PCDHA11: variants seen among roughly 807,000 people sequenced by gnomAD.
The protein encoded by PCDHA11 is protocadherin alpha 11, also known as protocadherin alpha-11.
A neutral mutation model predicts 70.3 loss-of-function variants in PCDHA11; 61 were observed. The ratio of observed to expected loss-of-function variants is 0.87; its 90% CI spans 0.71 to 1.07. The LOEUF is 1.07. Ranked by LOEUF, PCDHA11 falls within the 50% of genes least tolerant of loss-of-function variation. The pLI, the probability that PCDHA11 is intolerant of heterozygous loss-of-function variation, is 0.00. For synonymous variants in PCDHA11, 633 were observed against 555.1 expected (o/e 1.14, Z -1.97); for missense variants, 1,324 against 1,237.5 (o/e 1.07, Z -1.05).
intron 1 of PCDHA11, chr5:140,875,596 G>C (rs1554167787): frequency 1.9e-6 from 3 of 1,613,938 alleles, no homozygotes; most frequent in African/African-American, 2.7e-5. Flanking sequence ...GGCCAAACAC[G>C]GCACCTTCGT....
At chr5:140,951,343 G>C (rs2094573680) in intron 1 of PCDHA11, among the ~76,000 whole-genome samples, 1 of 151,988 alleles carries the variant, frequency 6.6e-6, no homozygotes, top group South Asian at 2.1e-4. Flanking sequence ...GTTTGTGTTA[G>C]TCCATTATTG....
At chr5:140,876,165 C>G in intron 1 of PCDHA11, 17 of 1,613,944 alleles carry the variant, frequency 1.1e-5, no homozygotes, top group Non-Finnish European at 1.4e-5. Flanking sequence ...TTCAAATAAC[C>G]GTCCTGGATG....
chr5:140,973,815 A>C (rs2096603789), intron 1 of PCDHA11, among the ~76,000 whole-genome samples: 1 of 152,224 alleles, frequency 6.6e-6, no homozygotes, highest in African/African-American at 2.4e-5. Flanking sequence ...CAGAATAGCA[A>C]AGTCAGTTCT....
chr5:140,975,953 T>C (rs1554237158), intron 1 of PCDHA11, among the ~76,000 whole-genome samples: 1 of 152,084 alleles, frequency 6.6e-6, no homozygotes, highest in East Asian at 1.9e-4. Flanking sequence ...CATATTAGAG[T>C]TCTTCACCAA....
chr5:140,884,554 G>A (rs1554181727), intron 1 of PCDHA11: 10 of 1,614,160 alleles, frequency 6.2e-6, no homozygotes, highest in Non-Finnish European at 6.8e-6. Context: ...GCTCTGGGGA[G>A]GGCCCGCATA....
At chr5:141,003,982 G>A (rs914206731) in intron 3 of PCDHA11, among the ~76,000 whole-genome samples, 25 of 152,152 alleles carry the variant, frequency 1.6e-4, no homozygotes, top group African/African-American at 5.6e-4. Flanking sequence ...GGGACTTGCC[G>A]GAGATCCTAG....
chr5:140,871,254 T>A lies in PCDHA11; in HGVS notation c.2151T>A (p.Tyr717Ter). The A allele has an allele frequency of 6.2e-7, 1 of 1,613,952 alleles. No individual in the cohort carries two copies. The highest frequency in any genetic ancestry group is 8.5e-7 in the Non-Finnish European group (1 of 1,179,930). ...TCCTGGTACTCACGCTGCTGCTGTA[T>A]ACGGCGCTGTGGTGGTCGGCAACGC... ...SSLLVLTLLL[Y>*]TALWWSATPT... The change falls in exon 1 of 4, where the codon TAT becomes TAA. Residue 717 changes from tyrosine to a stop codon, truncating the protein, a stop_gained. Coordinates refer to ENST00000398640, the MANE Select transcript of PCDHA11 (RefSeq NM_018902.5). LOFTEE classifies it high-confidence loss of function.
chr5:140,901,286 C>T (rs1681382612), intron 1 of PCDHA11, among the ~76,000 whole-genome samples: 1 of 151,988 alleles, frequency 6.6e-6, no homozygotes. Flanking sequence ...AAATTTTTGC[C>T]CAGACTGATG....
At chr5:140,951,395 G>A (rs1036290024) in intron 1 of PCDHA11, among the ~76,000 whole-genome samples, 1 of 152,030 alleles carries the variant, frequency 6.6e-6, no homozygotes, top group African/African-American at 2.4e-5. Flanking sequence ...AATTTATAAA[G>A]AAAAGAGGTT....
Position 140,927,631 on chromosome 5 carries a change from C to T in PCDHA11, c.2392-51318C>T, listed in dbSNP as rs760961070. 1.7e-5 allele frequency: 28 copies of T among 1,614,068 alleles called. No homozygotes were observed. In the Admixed American group the frequency reaches 2.5e-4, roughly 14 times the overall value. On this transcript the variant is annotated intron_variant, in intron 1 of 3. Coordinates refer to ENST00000398640, the MANE Select transcript of PCDHA11 (RefSeq NM_018902.5). ...CCGCACCAAGGTTCCAGAGACTGCA[C>T]CCAATGGGACTGTGTTATTCCGAGT...
intron 1 of PCDHA11, among the ~76,000 whole-genome samples, chr5:140,898,433 T>G (rs1253149141): frequency 6.6e-5 from 10 of 152,184 alleles, no homozygotes; most frequent in Non-Finnish European, 7.4e-5. Flanking sequence ...CCAGCACCAT[T>G]TATTAAATAG....
At chr5:140,917,657 G>A (rs1382905790) in intron 1 of PCDHA11, among the ~76,000 whole-genome samples, 2 of 152,156 alleles carry the variant, frequency 1.3e-5, no homozygotes, top group Admixed American at 1.3e-4. Context: ...TATTGAGTAG[G>A]AAGTCCTTTC....
At position 140,879,431 on chromosome 5, in the gene PCDHA11, T is replaced by G. The variant is rs78313657; in HGVS notation, c.2391+7937T>G. 2.0e-5 allele frequency among the ~76,000 whole-genome samples: 3 copies of G among 152,202 alleles called. No homozygotes were observed. In the East Asian group the frequency reaches 5.8e-4, roughly 29 times the overall value. The stretch of plus-strand genomic sequence containing the variant: ...AGCAGGTAGGGAATGGAGATGAACA[T>G]TTAAGAAAATGTTACTTTGAAGTCC... On this transcript the variant is annotated intron_variant, in intron 1 of 3. Transcript: ENST00000398640.
intron 1 of PCDHA11, among the ~76,000 whole-genome samples, chr5:140,974,423 C>T (rs2096627451): frequency 6.6e-6 from 1 of 152,166 alleles, no homozygotes; most frequent in Non-Finnish European, 1.5e-5. Flanking sequence ...ATTTTACTTT[C>T]CTGGTTTGTA....
intron 1 of PCDHA11, among the ~76,000 whole-genome samples, chr5:140,891,347 A>G (rs1554184792): frequency 6.6e-6 from 1 of 151,926 alleles, no homozygotes; most frequent in African/African-American, 2.4e-5. Context: ...ATTTTGGTGC[A>G]TCCATCACCT....
At chr5:140,884,396 C>A (rs2060144550) in intron 1 of PCDHA11, 2 of 1,614,012 alleles carry the variant, frequency 1.2e-6, no homozygotes, top group Middle Eastern at 1.6e-4. Flanking sequence ...GGTGTCCAGC[C>A]TGTTGGTGCT....
chr5:141,002,195 A>G (rs2098065094), intron 3 of PCDHA11, among the ~76,000 whole-genome samples: 1 of 152,244 alleles, frequency 6.6e-6, no homozygotes, highest in South Asian at 2.1e-4. Flanking sequence ...CTGGCAAGAT[A>G]GTCCCCGGCT....
intron 3 of PCDHA11, among the ~76,000 whole-genome samples, chr5:140,985,728 C>G (rs2097165709): frequency 6.7e-6 from 1 of 148,846 alleles, no homozygotes; most frequent in Admixed American, 6.8e-5. Flanking sequence ...TTTTCCTTCA[C>G]TGATGAATTC....
intron 1 of PCDHA11, among the ~76,000 whole-genome samples, chr5:140,925,502 C>G (rs978472276): frequency 6.6e-6 from 1 of 151,912 alleles, no homozygotes; most frequent in Admixed American, 6.6e-5. Context: ...GTCCCAATAT[C>G]CACGCAAAAG....
Sources: allele counts gnomAD v4.1 joint callset (sites outside exome capture counted in the v4.1 genomes callset), GRCh38; gene constraint gnomAD v4.1.1; transcripts MANE v1.5; gene names NCBI Gene and HGNC (gene_info 2026-07-23, HGNC 2026-07-21).